Variants in ATP1B4 observed in about 807,000 individuals in gnomAD.
ATP1B4 encodes the protein ATPase Na+/K+ transporting family member beta 4, also known as protein ATP1B4.
A neutral mutation model predicts 29.6 loss-of-function variants in ATP1B4; 32 were observed. The ratio of observed to expected loss-of-function variants is 1.08; its 90% CI spans 0.82 to 1.45. ATP1B4 has a LOEUF of 1.45. ATP1B4 is among the 40% of genes most tolerant of loss of function. The probability of loss-of-function intolerance (pLI) is 0.00; values close to 1 mark genes in which losing one functional copy is unlikely to be tolerated. For missense variants in ATP1B4, 323 were observed against 276.2 expected (o/e 1.17, Z -1.20); for synonymous variants, 127 against 102.1 (o/e 1.24, Z -1.47).
rs1186778493 is a variant in ATP1B4, at chrX:120,380,582, G to C, written c.*948G>C. ...CATTCCTGCAAACAGGTTTTTCTCA[G>C]CTTCAGGCAGAGGAGACAACATGGA... On this transcript the variant is annotated 3_prime_UTR_variant, in exon 8 of 8. Transcript: ENST00000218008. The C allele has an allele frequency of 8.9e-6, 1 of 112,047 alleles. No homozygotes were observed. The highest frequency in any genetic ancestry group is 3.2e-5 in the African/African-American group (1 of 30,800). The allele number at this position is 112,047 out of a possible 1,213,427, so 9.2% of individuals were successfully genotyped here.
At chrX:120,371,063 C>G in intron 3 of ATP1B4, 43 bp from the exon 4 acceptor site, 3 of 1,130,680 alleles carry the variant, frequency 2.7e-6, no homozygotes, top group Non-Finnish European at 3.6e-6. Flanking sequence ...AAAAATTATC[C>G]CAAGAATGGG....
At position 120,381,961 on chromosome X, in the gene ATP1B4, A is replaced by G. The variant is rs1182850491; in HGVS notation, c.*2327A>G. On this transcript the variant is annotated 3_prime_UTR_variant, in exon 8 of 8. Coordinates refer to ENST00000218008, the MANE Select transcript of ATP1B4 (RefSeq NM_001142447.3). ...GAGAGATCAATTTTGAACATTTTAG[A>G]CATGATTTTCTATTGGTCAGACATT... 8.9e-6 allele frequency: 1 copy of G among 111,928 alleles called. No homozygotes were observed. The highest frequency in any genetic ancestry group is 1.9e-5 in the Non-Finnish European group (1 of 53,198). The allele number at this position is 111,928 out of a possible 1,213,427, so 9.2% of individuals were successfully genotyped here. A position where few individuals can be genotyped will look rare whatever the true frequency, so the allele number is the denominator to read the frequency against.
At chrX:120,365,306 A>C (rs2058280561) in intron 1 of ATP1B4, among the ~76,000 whole-genome samples, 1 of 112,448 alleles carries the variant, frequency 8.9e-6, no homozygotes, top group Non-Finnish European at 1.9e-5. Context: ...GAGGGCTTAT[A>C]ATCAAGAGCT....
chrX:120,376,725 G>A lies in ATP1B4; in HGVS notation c.816+289G>A, dbSNP rs113839652. On this transcript the variant is annotated intron_variant, in intron 6 of 7. Coordinates refer to ENST00000218008, the MANE Select transcript of ATP1B4 (RefSeq NM_001142447.3). ...AACTTCAGCTAAGGGCCACAGCAGG[G>A]AACAACAATGTGCCAAGTCATTAAT... 3.1e-3 allele frequency among the ~76,000 whole-genome samples: 343 copies of A among 112,087 alleles called. 2 individuals are homozygous for A. The highest frequency in any genetic ancestry group is 0.011 in the African/African-American group (325 of 30,877).
intron 6 of ATP1B4, among the ~76,000 whole-genome samples, chrX:120,377,155 G>A (rs1253800417): frequency 8.9e-6 from 1 of 112,344 alleles, no homozygotes; most frequent in Non-Finnish European, 1.9e-5. Context: ...GAGAAATACA[G>A]TTGAAAACTT....
In ATP1B4 at chrX:120,375,223, G is replaced by C. The variant is rs2058346224; in HGVS notation, c.563-149G>C. On this transcript the variant is annotated intron_variant, in intron 4 of 7. Transcript: ENST00000218008. ...TGCCGATGAAGGCTGTTGGGCACCT[G>C]ATGCCAGGTCACAGGTAGACTGAGT... 3.2e-5 allele frequency: 14 copies of C among 437,895 alleles called. No homozygotes were observed. In the East Asian group the frequency reaches 5.3e-4, roughly 17 times the overall value. 36.1% of individuals were successfully genotyped at this position (437,895 alleles called of 1,213,427 possible).
chrX:120,367,444 C>T (rs1233325355), intron 2 of ATP1B4, among the ~76,000 whole-genome samples: 19 of 111,794 alleles, frequency 1.7e-4, no homozygotes, highest in Non-Finnish European at 1.9e-5. Context: ...AGCATTTCCT[C>T]TTTGCATCAC....
At chrX:120,368,281 G>T (rs2058295915) in intron 2 of ATP1B4, among the ~76,000 whole-genome samples, 2 of 111,567 alleles carry the variant, frequency 1.8e-5, no homozygotes, top group African/African-American at 6.5e-5. Context: ...GCTACCCTGG[G>T]CAAAGGGTGA....
intron 6 of ATP1B4, among the ~76,000 whole-genome samples, chrX:120,377,977 G>A (rs1241944659): frequency 8.9e-6 from 1 of 112,029 alleles, no homozygotes; most frequent in Non-Finnish European, 1.9e-5. Flanking sequence ...CAAGCCGAAT[G>A]TATCACAGAA....
At chrX:120,366,928 G>C in intron 2 of ATP1B4, 139 bp downstream of exon 2, 1 of 1,005,790 alleles carries the variant, frequency 9.9e-7, no homozygotes. Context: ...AATGCCTAGG[G>C]AAATGCCTAG....
At chrX:120,362,777 G>T (rs181896239) in intron 1 of ATP1B4, among the ~76,000 whole-genome samples, 1 of 112,047 alleles carries the variant, frequency 8.9e-6, no homozygotes, top group East Asian at 2.8e-4. Context: ...CCTAAAGGAG[G>T]CTGCTGTGGC....
chrX:120,374,762 T>TATTA (rs756799984), intron 4 of ATP1B4, among the ~76,000 whole-genome samples: 248 of 23,531 alleles, frequency 0.011, 54 homozygotes, highest in Non-Finnish European at 0.017. Context: ...TATATATATA[T>TATTA]TATATATATA....
intron 4 of ATP1B4, among the ~76,000 whole-genome samples, chrX:120,373,224 C>T (rs2147252910): frequency 8.9e-6 from 1 of 112,111 alleles, no homozygotes; most frequent in African/African-American, 3.2e-5. Flanking sequence ...GGAACTACCT[C>T]AAGAGAAACA....
intron 7 of ATP1B4, 82 bp downstream of exon 7, chrX:120,378,855 G>A (rs913067831): frequency 1.1e-6 from 1 of 889,844 alleles, no homozygotes; most frequent in African/African-American, 1.9e-5. Flanking sequence ...ATGAGAATTA[G>A]GGAGCAGGAG....
In ATP1B4 at chrX:120,366,732, G is replaced by T; in HGVS notation, c.271G>T (p.Glu91Ter). The T allele has an allele frequency of 8.3e-7, 1 of 1,211,949 alleles. No homozygotes were observed. Residue 91 changes from glutamate to a stop codon, truncating the protein, a stop_gained, in exon 2 of 8, where the codon GAA (glutamate) becomes TAA (stop). Coordinates refer to ENST00000218008, the MANE Select transcript of ATP1B4 (RefSeq NM_001142447.3). LOFTEE classifies it high-confidence loss of function. ...GTGGCAGAAATTGCAGATCATGAGT[G>T]AATACCTGTGGGATCCAGAGAGAAG... ...AWWQKLQIMS[E>*]YLWDPERRMF...
chrX:120,364,736 A>C (rs937428028), intron 1 of ATP1B4, among the ~76,000 whole-genome samples: 6 of 111,983 alleles, frequency 5.4e-5, no homozygotes, highest in African/African-American at 1.9e-4. Flanking sequence ...TGTTTTTTTG[A>C]GACAATGTCT....
rs760016365 is a variant in ATP1B4, at chrX:120,370,836, G to T, written c.450G>T (p.Lys150Asn). 5.0e-6 allele frequency: 6 copies of T among 1,207,832 alleles called. No homozygotes were observed. Among genetic ancestry groups the T allele is most frequent in the Admixed American group, 2.2e-5 (1 of 45,444 alleles). ...TACCAACCTTCACGGAGCGGGTAAAGCCTCCTGGTGAGTGTGCCCAGATGC... is the reference window on the plus strand; with the variant it reads ...TACCAACCTTCACGGAGCGGGTAAATCCTCCTGGTGAGTGTGCCCAGATGC... ...PYIPTFTERVKPPGVMIRPFA... is the reference protein window; with the variant it reads ...PYIPTFTERVNPPGVMIRPFA... Residue 150 changes from lysine (K) to asparagine (N), a missense_variant, in exon 3 of 8, where the codon AAG becomes AAT. By Grantham distance (94) the Lys-to-Asn change is moderately conservative. Coordinates refer to ENST00000218008, the MANE Select transcript of ATP1B4 (RefSeq NM_001142447.3).
At chrX:120,369,596 G>A (rs3788941) in intron 2 of ATP1B4, among the ~76,000 whole-genome samples, 38,766 of 110,767 alleles carry the variant, frequency 0.35, 6,428 homozygotes, top group Middle Eastern at 0.54. Flanking sequence ...GCCTGAGAGA[G>A]CCCCAAGGAG....
At chrX:120,365,394 A>C (rs952682129) in intron 1 of ATP1B4, among the ~76,000 whole-genome samples, 5 of 112,104 alleles carry the variant, frequency 4.5e-5, no homozygotes, top group African/African-American at 1.6e-4. Flanking sequence ...TGAACAATCC[A>C]ATTTGCTGAG....
Sources: allele counts gnomAD v4.1 joint callset (sites outside exome capture counted in the v4.1 genomes callset), GRCh38; gene constraint gnomAD v4.1.1; transcripts MANE v1.5; gene names NCBI Gene and HGNC (gene_info 2026-07-23, HGNC 2026-07-21).